IL1R2: variants seen among roughly 807,000 people sequenced by gnomAD.
IL1R2 encodes interleukin-1 receptor type 2.
Under a neutral mutation model 39.5 loss-of-function variants are expected in IL1R2, and 46 were observed. The ratio of observed to expected loss-of-function variants is 1.16; its 90% CI spans 0.92 to 1.49. The LOEUF is 1.49. IL1R2 is among the 40% of genes most tolerant of loss of function. IL1R2 has a pLI of 0.00. For missense variants in IL1R2, 537 were observed against 502.0 expected, an observed-to-expected ratio of 1.07 and a Z score of -0.67; for synonymous variants, 207 against 189.6, an observed-to-expected ratio of 1.09 and a Z score of -0.75.
chr2:101,999,171 C>T (rs1222006921), intron 1 of IL1R2: 1 of 152,344 alleles, frequency 6.6e-6, no homozygotes, highest in Non-Finnish European at 1.5e-5. Context: ...CTGTCTTTCC[C>T]CTACTCAGAT....
At chr2:102,013,581 G>GAAAAAAAAAAAAAAAAAAAAAAAAAAAA (rs1559421510) in intron 3 of IL1R2, among the ~76,000 whole-genome samples, 1 of 28,494 alleles carries the variant, frequency 3.5e-5, no homozygotes, top group East Asian at 1.1e-3. Context: ...AGAAGGAAAA[G>GAAAAAAAAAAAAAAAAAAAAAAAAAAAA]AAAAAGAAAA....
intron 1 of IL1R2, among the ~76,000 whole-genome samples, chr2:102,006,217 G>T (rs1676251208): frequency 6.6e-6 from 1 of 152,176 alleles, no homozygotes; most frequent in South Asian, 2.1e-4. Flanking sequence ...GATGTGATAA[G>T]CTAATGCGTG....
intron 1 of IL1R2, among the ~76,000 whole-genome samples, chr2:101,994,123 C>T (rs963002854): frequency 5.3e-5 from 8 of 152,176 alleles, no homozygotes; most frequent in Admixed American, 3.3e-4. Context: ...TACTTGGTTA[C>T]CCTAAAAGGC....
intron 3 of IL1R2, among the ~76,000 whole-genome samples, chr2:102,012,263 T>C (rs3218874): frequency 0.17 from 26,569 of 152,182 alleles, 2,834 homozygotes; most frequent in East Asian, 0.29. Flanking sequence ...GCCTCTCTCT[T>C]CAGCTGCTTC....
At position 102,024,669 on chromosome 2, in the gene IL1R2, G is replaced by T; in HGVS notation, c.887+1G>T. On this transcript the variant is annotated splice_donor_variant, in intron 7 of 8. Transcript: ENST00000332549. LOFTEE classifies it high-confidence loss of function. ...GCCGCGTGACCGAGGGGCCACGCCA[G>T]TAAGTGGGCCAGGGTCTTCTGTTGA... 6.2e-7 allele frequency: 1 copy of T among 1,614,190 alleles called. No individual in the cohort carries two copies. Among genetic ancestry groups the T allele is most frequent in the Non-Finnish European group, 8.5e-7 (1 of 1,180,014 alleles).
rs771727938 is a variant in IL1R2, at chr2:102,013,524, CAAAAAAAAAAAAAAA to C, written c.333-2333_333-2319del. 3.5e-4 allele frequency among the ~76,000 whole-genome samples: 2 copies of C among 5,694 alleles called. 1 individual carries two copies. Among genetic ancestry groups the C allele is most frequent in the South Asian group, 0.02 (2 of 98 alleles). The allele number at this position is 5,694 out of a possible 152,430, so 3.7% of individuals were successfully genotyped here. A position where few individuals can be genotyped will look rare whatever the true frequency, so the allele number is the denominator to read the frequency against. On this transcript the variant is annotated intron_variant, in intron 3 of 8. Transcript: ENST00000332549. ...ATAAATGCCTTACTTTCTATCACTG[CAAAAAAAAAAAAAAA>C]AAAAAAAAAAAAAGGAAAGAAAGAA...
At chr2:102,019,173 CAG>C (rs1417486988) in intron 4 of IL1R2, among the ~76,000 whole-genome samples, 6 of 152,062 alleles carry the variant, frequency 3.9e-5, no homozygotes, top group African/African-American at 1.4e-4. Flanking sequence ...TTTCTTATAA[CAG>C]AGATTTTTCT....
chr2:102,017,085 A>G (rs1677049653), intron 4 of IL1R2, among the ~76,000 whole-genome samples: 1 of 152,204 alleles, frequency 6.6e-6, no homozygotes, highest in South Asian at 2.1e-4. Flanking sequence ...TTATAGACAT[A>G]TTAAAGGAGT....
Position 102,015,911 on chromosome 2 carries a change from G to A in IL1R2, c.373G>A (p.Val125Ile), listed in dbSNP as rs1676966337. The change falls in exon 4 of 9, where the codon GTT (valine) becomes ATT (isoleucine). Residue 125 changes from valine (V) to isoleucine (I), a missense_variant. Coordinates refer to ENST00000332549, the MANE Select transcript of IL1R2 (RefSeq NM_004633.4). ...TGACAAAATGTCCATTGAGCTCAGA[G>A]TTTTTGAGAATACAGATGCTTTCCT... ...YCDKMSIELRVFENTDAFLPF... is the reference protein window; with the variant it reads ...YCDKMSIELRIFENTDAFLPF... The A allele has an allele frequency of 6.2e-7, 1 of 1,614,002 alleles. No individual in the cohort carries two copies. The highest frequency in any genetic ancestry group is 8.5e-7 in the Non-Finnish European group (1 of 1,179,950).
intron 3 of IL1R2, among the ~76,000 whole-genome samples, chr2:102,010,576 A>G (rs1676567159): frequency 1.9e-5 from 1 of 52,004 alleles, no homozygotes; most frequent in African/African-American, 6.7e-5. Flanking sequence ...ACTCTGTCTA[A>G]AAAAAAAAAA....
intron 6 of IL1R2, among the ~76,000 whole-genome samples, chr2:102,024,043 C>T (rs1329519104): frequency 7.7e-6 from 1 of 129,080 alleles, no homozygotes; most frequent in Non-Finnish European, 1.6e-5. Flanking sequence ...AGCGAGACTC[C>T]ATCTCAAAAA....
At chr2:102,005,788 G>A (rs1444915679) in intron 1 of IL1R2, among the ~76,000 whole-genome samples, 1 of 152,186 alleles carries the variant, frequency 6.6e-6, no homozygotes, top group African/African-American at 2.4e-5. Flanking sequence ...AAGATTCGGG[G>A]GTTCTATTAT....
At chr2:102,010,401 G>A (rs3218859) in intron 3 of IL1R2, among the ~76,000 whole-genome samples, 35 of 152,008 alleles carry the variant, frequency 2.3e-4, no homozygotes, top group African/African-American at 8.2e-4. Context: ...GTGAAACCCC[G>A]TCTCTACTAA....
chr2:102,011,059 G>A (rs533927066), intron 3 of IL1R2, among the ~76,000 whole-genome samples: 2 of 152,292 alleles, frequency 1.3e-5, no homozygotes, highest in Admixed American at 1.3e-4. Flanking sequence ...GTTGTAGCAT[G>A]AGTCAGAGTT....
chr2:102,020,221 G>T (rs889224194), intron 5 of IL1R2, among the ~76,000 whole-genome samples: 1 of 152,202 alleles, frequency 6.6e-6, no homozygotes, highest in Non-Finnish European at 1.5e-5. Flanking sequence ...TCTAACCAGA[G>T]AGCTAGCCTT....
Position 102,024,629 on chromosome 2 carries a change from G to A in IL1R2, c.848G>A (p.Ser283Asn). 1 of 1,614,122 alleles carries A rather than the reference G, an allele frequency of 6.2e-7. No individual in the cohort carries two copies. The highest frequency in any genetic ancestry group is 8.5e-7 in the Non-Finnish European group (1 of 1,180,018). Residue 283 changes from serine to asparagine, a missense_variant, in exon 7 of 9, where the codon AGC becomes AAC. Transcript: ENST00000332549. ...ACGGCCAATGACACCCACATAGAGA[G>A]CGCCTACCCGGGAGGCCGCGTGACC... The part of the protein sequence containing the change: ...WWTANDTHIE[S>N]AYPGGRVTEG...
At chr2:102,015,205 C>T (rs922316615) in intron 3 of IL1R2, among the ~76,000 whole-genome samples, 12 of 152,002 alleles carry the variant, frequency 7.9e-5, no homozygotes, top group African/African-American at 2.7e-4. Flanking sequence ...TTGGAGTATG[C>T]GGGGGCTGGG....
intron 8 of IL1R2, among the ~76,000 whole-genome samples, chr2:102,027,038 G>A: frequency 6.6e-6 from 1 of 152,204 alleles, no homozygotes; most frequent in East Asian, 1.9e-4. Flanking sequence ...TCCAGCCTCA[G>A]GACAGGGAAT....
intron 7 of IL1R2, 194 bp downstream of exon 7, chr2:102,024,862 A>G (rs1677638605): frequency 1.6e-6 from 1 of 642,014 alleles, no homozygotes; most frequent in Non-Finnish European, 2.5e-6. Context: ...TAAATACTTA[A>G]AAGTTGAGTT....
Sources: gnomAD v4.1 joint callset for allele counts (sites outside exome capture counted in the v4.1 genomes callset) on GRCh38, gnomAD v4.1.1 for gene constraint, MANE v1.5 for transcripts, NCBI Gene and HGNC (gene_info 2026-07-23, HGNC 2026-07-21) for gene names.